Variants in AGBL1 observed in about 807,000 individuals in gnomAD.
AGBL1 encodes cytosolic carboxypeptidase 4.
Under a neutral mutation model 118.9 loss-of-function variants are expected in AGBL1, and 130 were observed. The ratio of observed to expected loss-of-function variants is 1.09; its 90% confidence interval spans 0.95 to 1.26. The LOEUF is 1.26. Ranked by LOEUF, AGBL1 falls within the 50% of genes most tolerant of loss-of-function variation. AGBL1 has a pLI of 0.00. For synonymous variants in AGBL1, 555 were observed against 478.9 expected (o/e 1.16, Z -2.08); for missense variants, 1,584 against 1,298.1 (o/e 1.22, Z -3.38).
intron 19 of AGBL1, among the ~76,000 whole-genome samples, chr15:86,536,668 A>G (rs952246913): frequency 2.6e-5 from 4 of 152,134 alleles, no homozygotes; most frequent in Non-Finnish European, 5.9e-5. Context: ...AGTCTAAACA[A>G]ATTTCTTATG....
intron 22 of AGBL1, among the ~76,000 whole-genome samples, chr15:86,687,815 G>C (rs561509758): frequency 6.6e-6 from 1 of 152,128 alleles, no homozygotes; most frequent in South Asian, 2.1e-4. Flanking sequence ...ATAGCCCCTC[G>C]ATGAGTGTCC....
At chr15:86,746,623 C>G (rs1478449461) in intron 22 of AGBL1, among the ~76,000 whole-genome samples, 4 of 152,140 alleles carry the variant, frequency 2.6e-5, no homozygotes, top group South Asian at 4.2e-4. Flanking sequence ...GGAGAAGGTC[C>G]AGCACAAAAT....
rs60765980 is a variant in AGBL1 at position 86,876,864 on chromosome 15, A to G, written c.3159-30223A>G. 5.5e-3 allele frequency among the ~76,000 whole-genome samples: 838 copies of G among 152,314 alleles called. 9 individuals carry two copies. The highest frequency in any genetic ancestry group is 0.019 in the African/African-American group (801 of 41,574). ...GTTTCCTCATTTCTAAAATGGAATA[A>G]TGATACCTATCTCTAGGGTTGTTGA... On this transcript the variant is annotated intron_variant, in intron 22 of 22. Transcript: ENST00000614907.
At chr15:86,722,745 T>C (rs1440516500) in intron 22 of AGBL1, among the ~76,000 whole-genome samples, 1 of 152,096 alleles carries the variant, frequency 6.6e-6, no homozygotes, top group East Asian at 1.9e-4. Flanking sequence ...AGAAAAGTTT[T>C]GCAATCTACT....
At chr15:86,797,637 A>G (rs554882400) in intron 22 of AGBL1, among the ~76,000 whole-genome samples, 11 of 151,496 alleles carry the variant, frequency 7.3e-5, no homozygotes, top group East Asian at 3.9e-4. Flanking sequence ...AAATATTTCT[A>G]TGGAAGAATG....
At chr15:86,110,540 C>T (rs1897315311) in intron 1 of AGBL1, among the ~76,000 whole-genome samples, 1 of 151,998 alleles carries the variant, frequency 6.6e-6, no homozygotes, top group Non-Finnish European at 1.5e-5. Flanking sequence ...GTTGGTCTTG[C>T]TGTCTCAGGG....
chr15:86,386,467 A>G lies in AGBL1; in HGVS notation c.2375-10899A>G, dbSNP rs1258912698. Among the ~76,000 whole-genome samples, 6 of 150,606 alleles carry G rather than the reference A, an allele frequency of 4.0e-5. No individual in the cohort carries two copies. In the East Asian group the frequency reaches 8.0e-4, roughly 20 times the overall value. On this transcript the variant is annotated intron_variant, in intron 17 of 22. Coordinates refer to ENST00000614907, the MANE Select transcript of AGBL1 (RefSeq NM_001386094.1). ...GAGAGGGGTTGGCTTTGACTGTGGT[A>G]TGGAAAATTATATGGAATGGAGCAA...
At chr15:86,928,985 C>T (rs994500604) in intron 23 of AGBL1, among the ~76,000 whole-genome samples, 1 of 151,942 alleles carries the variant, frequency 6.6e-6, no homozygotes, top group East Asian at 1.9e-4. Flanking sequence ...ATCTCCAGAA[C>T]TTTTTTTTAA....
chr15:86,685,204 G>A (rs572584630), intron 22 of AGBL1, among the ~76,000 whole-genome samples: 3 of 152,262 alleles, frequency 2.0e-5, no homozygotes, highest in Admixed American at 1.3e-4. Context: ...TCTGGACATG[G>A]ACACCTCAGG....
At chr15:86,265,872 C>G (rs1464016453) in intron 11 of AGBL1, among the ~76,000 whole-genome samples, 3 of 152,016 alleles carry the variant, frequency 2.0e-5, no homozygotes, top group African/African-American at 7.3e-5. Flanking sequence ...GTTAAATATC[C>G]CAGATTTTGG....
At chr15:86,697,071 G>T (rs964139751) in intron 22 of AGBL1, among the ~76,000 whole-genome samples, 2 of 151,856 alleles carry the variant, frequency 1.3e-5, no homozygotes, top group African/African-American at 4.8e-5. Flanking sequence ...ATGACTATGT[G>T]CCTAGGTATT....
chr15:86,730,057 C>A (rs1181003759), intron 22 of AGBL1, among the ~76,000 whole-genome samples: 1 of 152,122 alleles, frequency 6.6e-6, no homozygotes, highest in East Asian at 1.9e-4. Context: ...TTGTTGGCTG[C>A]ATGTATGTCT....
At chr15:86,998,255 A>G (rs1156697386) in intron 24 of AGBL1, among the ~76,000 whole-genome samples, 1 of 152,178 alleles carries the variant, frequency 6.6e-6, no homozygotes, top group Admixed American at 6.5e-5. Flanking sequence ...AGACTGTAAC[A>G]TTTGTATTTC....
intron 21 of AGBL1, among the ~76,000 whole-genome samples, chr15:86,555,191 C>G (rs867329115): frequency 6.6e-6 from 1 of 152,294 alleles, no homozygotes; most frequent in South Asian, 2.1e-4. Flanking sequence ...TTTTCCCACT[C>G]CCCCATAGAG....
chr15:86,207,117 T>C (rs1205249206), intron 5 of AGBL1, among the ~76,000 whole-genome samples: 2 of 152,210 alleles, frequency 1.3e-5, no homozygotes, highest in Non-Finnish European at 2.9e-5. Flanking sequence ...GATCAGATTA[T>C]TGTAGATGTG....
chr15:86,923,316 A>G (rs1376156273), intron 23 of AGBL1, among the ~76,000 whole-genome samples: 1 of 152,200 alleles, frequency 6.6e-6, no homozygotes, highest in East Asian at 1.9e-4. Flanking sequence ...TCTACAATTT[A>G]GCTCACCTCT....
In AGBL1 at chr15:86,897,425, A is replaced by C. The variant is rs1169601338; in HGVS notation, c.3159-9662A>C. On this transcript the variant is annotated intron_variant, in intron 22 of 22. Transcript: ENST00000614907. Reference sequence around the variant, plus strand: ...TGAGATTTTTTTCTATTATATCTTTAAACTATATATTTTCCCATTACATTG... The same window carrying C: ...TGAGATTTTTTTCTATTATATCTTTCAACTATATATTTTCCCATTACATTG... Among the ~76,000 whole-genome samples the C allele has an allele frequency of 2.0e-5, 3 of 152,164 alleles. No individual in the cohort carries two copies. The East Asian group carries it at 5.8e-4, about 29-fold the overall frequency.
intron 1 of AGBL1, among the ~76,000 whole-genome samples, chr15:86,086,933 A>C (rs1171175899): frequency 1.3e-5 from 2 of 152,152 alleles, no homozygotes; most frequent in African/African-American, 4.8e-5. Context: ...ATTCCAGTAC[A>C]TGTCTTTGTG....
intron 18 of AGBL1, among the ~76,000 whole-genome samples, chr15:86,512,296 T>A (rs1322741726): frequency 6.6e-6 from 1 of 152,004 alleles, no homozygotes; most frequent in African/African-American, 2.4e-5. Context: ...AATATATTTC[T>A]AAGGACAAGG....
Sources: allele counts gnomAD v4.1 joint callset (sites outside exome capture counted in the v4.1 genomes callset), GRCh38; gene constraint gnomAD v4.1.1; transcripts MANE v1.5; gene names NCBI Gene and HGNC (gene_info 2026-07-23, HGNC 2026-07-21).